Variants in BTBD19 observed in about 807,000 individuals in gnomAD.
BTBD19 encodes the protein BTB domain containing 19, also known as BTB/POZ domain-containing protein 19.
In BTBD19, 20 loss-of-function variants were observed where a neutral mutation model predicts 36.1. The ratio of observed to expected loss-of-function variants is 0.55; its 90% CI spans 0.39 to 0.80. The LOEUF (loss-of-function observed/expected upper bound fraction) is 0.80, where lower values mean the gene tolerates loss of function less well. Among genes scored for constraint, BTBD19 ranks in the 30% least tolerant of loss-of-function variants. The pLI, the probability that BTBD19 is intolerant of heterozygous loss-of-function variation, is 0.00. For missense variants in BTBD19, 325 were observed against 389.8 expected (o/e 0.83, Z 1.40); for synonymous variants, 157 against 174.3 (o/e 0.90, Z 0.78).
intron 3 of BTBD19, 90 bp from the exon 4 acceptor site, chr1:44,811,949 C>T (rs758676497): frequency 2.2e-5 from 24 of 1,076,390 alleles, no homozygotes; most frequent in African/African-American, 3.3e-5. Context: ...GGTGACTCAC[C>T]GCTCCAAGCC....
chr1:44,813,149 G>C lies in BTBD19; in HGVS notation c.495G>C (p.Arg165=). ...TTGCCGGCTCGCAGGAGGCCCTCCG[G>C]ACCCGAGGCTTCCTGGAGCTGTCGG... The change falls in exon 6 of 8, where the codon CGG becomes CGC. Residue 165 remains arginine (R), a synonymous_variant. Transcript: ENST00000450269. This position sits in a 1 kb window ranked among gnomAD's most constrained non-coding sequence, Gnocchi z 7.8. The C allele has an allele frequency of 6.5e-7, 1 of 1,542,556 alleles. No individual in the cohort carries two copies.
Position 44,813,594 on chromosome 1 carries a change from AG to A in BTBD19, c.742-40del. On this transcript the variant is annotated intron_variant, in intron 7 of 7. Transcript: ENST00000450269. This position sits in a 1 kb window ranked among gnomAD's most constrained non-coding sequence, Gnocchi z 7.8. The stretch of plus-strand genomic sequence containing the variant: ...AGCCCGGCCCACGGTCCTCGGGGCG[AG>A]GGGCCACCGCGGGACTGCGCACTAA... The A allele has an allele frequency of 6.5e-7, 1 of 1,537,962 alleles. No homozygotes were observed. The highest frequency in any genetic ancestry group is 8.8e-7 in the Non-Finnish European group (1 of 1,137,674).
Position 44,813,887 on chromosome 1 carries a change from G to C in BTBD19, c.*115G>C. On this transcript the variant is annotated 3_prime_UTR_variant, in exon 8 of 8. Coordinates refer to ENST00000450269, the Ensembl canonical transcript of BTBD19. The surrounding 1 kb of genome is among the most constrained non-coding windows in gnomAD (Gnocchi z 7.8). ...GGCTTCCGTTCCCAGCGTGCCCAGT[G>C]AGCCGGGCGCCGGAAGAACCGTTGT... The C allele has an allele frequency of 1.4e-6, 2 of 1,448,634 alleles. No individual in the cohort carries two copies. The highest frequency in any genetic ancestry group is 1.9e-6 in the Non-Finnish European group (2 of 1,064,384). The allele number at this position is 1,448,634 out of a possible 1,614,324, so 89.7% of individuals were successfully genotyped here. A position where few individuals can be genotyped will look rare whatever the true frequency, so the allele number is the denominator to read the frequency against.
Position 44,813,609 on chromosome 1 carries a change from A to T in BTBD19, c.742-29A>T. The T allele has an allele frequency of 1.9e-6, 3 of 1,543,572 alleles. No homozygotes were observed. Among genetic ancestry groups the T allele is most frequent in the Non-Finnish European group, 2.6e-6 (3 of 1,141,136 alleles). Reference sequence around the variant, plus strand: ...CCTCGGGGCGAGGGGCCACCGCGGGACTGCGCACTAACTGGCCTTGCTCTG... The same window carrying T: ...CCTCGGGGCGAGGGGCCACCGCGGGTCTGCGCACTAACTGGCCTTGCTCTG... On this transcript the variant is annotated intron_variant, in intron 7 of 7. Coordinates refer to ENST00000450269, the Ensembl canonical transcript of BTBD19. The surrounding 1 kb of genome is among the most constrained non-coding windows in gnomAD (Gnocchi z 7.8).
chr1:44,814,558 T>A (rs1275781863), downstream of BTBD19: 1 of 144,576 alleles, frequency 6.9e-6, no homozygotes, highest in Non-Finnish European at 1.5e-5. Flanking sequence ...TCGGCCTTTT[T>A]TTTTTTTTTT....
intron 3 of BTBD19, among the ~76,000 whole-genome samples, chr1:44,811,507 A>AG (rs769609504): frequency 6.6e-6 from 1 of 152,170 alleles, no homozygotes; most frequent in Non-Finnish European, 1.5e-5. Flanking sequence ...TGGTTCATGT[A>AG]GGGCCCTCAA....
At position 44,810,462 on chromosome 1, in the gene BTBD19, T is replaced by A. The variant is rs1652352430; in HGVS notation, c.300+36T>A. 1 of 1,550,136 alleles carries A rather than the reference T, an allele frequency of 6.5e-7. No individual in the cohort carries two copies. Among genetic ancestry groups the A allele is most frequent in the African/African-American group, 1.4e-5 (1 of 72,854 alleles). On this transcript the variant is annotated intron_variant, in intron 2 of 7. Transcript: ENST00000450269. This position sits in a 1 kb window ranked among gnomAD's most constrained non-coding sequence, Gnocchi z 4.2. ...TGACCAGGGGCCTGGGTGGGAGAGG[T>A]GGGGGGTGCCAGAGGCAGGAGTTTG...
Position 44,812,991 on chromosome 1 carries a change from C to G in BTBD19, c.415-5C>G. On this transcript the variant is annotated splice_region_variant and splice_polypyrimidine_tract_variant and intron_variant, in intron 4 of 7. Coordinates refer to ENST00000450269, the Ensembl canonical transcript of BTBD19. ...CCAACCTGATCTCCCTCATTCTGCTCGCAGGTGGCCGTAACCTTTGGCCTG... is the reference window on the plus strand; with the variant it reads ...CCAACCTGATCTCCCTCATTCTGCTGGCAGGTGGCCGTAACCTTTGGCCTG... 1 of 1,549,340 alleles carries G rather than the reference C, an allele frequency of 6.5e-7. No individual in the cohort carries two copies. Among genetic ancestry groups the G allele is most frequent in the Non-Finnish European group, 8.7e-7 (1 of 1,145,548 alleles).
At chr1:44,815,438 A>G (rs1346730143), downstream of BTBD19, 1 of 151,998 alleles carries the variant, frequency 6.6e-6, no homozygotes, top group Admixed American at 6.6e-5. Flanking sequence ...TCCTTCATTC[A>G]CTATACATCT....
chr1:44,812,179 G>GACACAGCAGGCC, intron 4 of BTBD19, 81 bp downstream of exon 4: 2 of 1,069,616 alleles, frequency 1.9e-6, no homozygotes, highest in Non-Finnish European at 2.6e-6. Flanking sequence ...GCCTGGGCCT[G>GACACAGCAGGCC]CTGTGTCTGG....
Position 44,813,500 on chromosome 1 carries a change from G to A in BTBD19, c.741+1G>A. ...GAACCGGCAGGAACCACTCATCCCG[G>A]TGGGGACGCGGGGAACCGGCCCAGC... On this transcript the variant is annotated splice_donor_variant, in intron 7 of 7. Transcript: ENST00000450269. LOFTEE classifies it high-confidence loss of function. This position sits in a 1 kb window ranked among gnomAD's most constrained non-coding sequence, Gnocchi z 7.8. The A allele has an allele frequency of 6.4e-7, 1 of 1,550,666 alleles. No individual in the cohort carries two copies. The highest frequency in any genetic ancestry group is 8.7e-7 in the Non-Finnish European group (1 of 1,146,438).
chr1:44,812,220 TG>T (rs968696344), intron 4 of BTBD19, 122 bp downstream of exon 4: 7 of 669,378 alleles, frequency 1.0e-5, no homozygotes, highest in Non-Finnish European at 1.7e-5. Context: ...ATGGTGGTGG[TG>T]GGGGTGCTCC....
Position 44,813,939 on chromosome 1 carries a change from A to T in BTBD19, c.*167A>T, listed in dbSNP as rs980261304. On this transcript the variant is annotated 3_prime_UTR_variant, in exon 8 of 8. Transcript: ENST00000450269. This position sits in a 1 kb window ranked among gnomAD's most constrained non-coding sequence, Gnocchi z 7.8. ...TGCCACGCGCAGCCCCTTGTGCGGGATCAAGCCCGTGTGGGCGAGGTGGGG... is the reference window on the plus strand; with the variant it reads ...TGCCACGCGCAGCCCCTTGTGCGGGTTCAAGCCCGTGTGGGCGAGGTGGGG... The T allele has an allele frequency of 4.2e-6, 5 of 1,178,038 alleles. No individual in the cohort carries two copies. The African/African-American group carries it at 6.1e-5, about 14-fold the overall frequency. 73.0% of individuals were successfully genotyped at this position (1,178,038 alleles called of 1,614,324 possible).
rs745615802 is a variant in BTBD19 at position 44,808,533 on chromosome 1, T to TCGC, written c.-271_-269dup. 1.1e-3 allele frequency: 323 copies of TCGC among 300,836 alleles called. 8 individuals are homozygous for TCGC. Among genetic ancestry groups the TCGC allele is most frequent in the South Asian group, 2.1e-3 (27 of 12,956 alleles). The allele number at this position is 300,836 out of a possible 1,614,324, so 18.6% of individuals were successfully genotyped here. On this transcript the variant is annotated 5_prime_UTR_variant, in exon 1 of 8. Coordinates refer to ENST00000450269, the Ensembl canonical transcript of BTBD19. The stretch of plus-strand genomic sequence containing the variant: ...GGCAGACTCCCAGCCAGGGCCTCTT[T>TCGC]CGCCGCCGCCGCCGCCGCCAGCCAG...
chr1:44,810,357 G>A lies in BTBD19; in HGVS notation c.231G>A (p.Val77=), dbSNP rs748287122. The A allele has an allele frequency of 9.7e-6, 15 of 1,551,768 alleles. No individual in the cohort carries two copies. Among genetic ancestry groups the A allele is most frequent in the South Asian group, 2.4e-5 (2 of 84,070 alleles). ...CCAGTCCTGTGGTGCTAAGCACTGT[G>A]CCAACTGAGGCCTTCCTGGCAGTGC... Residue 77 remains valine, a synonymous_variant, in exon 2 of 8, where the codon GTG becomes GTA. Coordinates refer to ENST00000450269, the Ensembl canonical transcript of BTBD19. The surrounding 1 kb of genome is among the most constrained non-coding windows in gnomAD (Gnocchi z 4.2).
At chr1:44,814,212 T>TTCTTTCTTTCTTTC (rs759782134), downstream of BTBD19, 2 of 109,306 alleles carry the variant, frequency 1.8e-5, no homozygotes, top group Admixed American at 9.4e-5. Flanking sequence ...CTTTCTTTCT[T>TTCTTTCTTTCTTTC]TTTCTTTCTT....
At chr1:44,815,498 G>C (rs1195096142), downstream of BTBD19, 1 of 152,142 alleles carries the variant, frequency 6.6e-6, no homozygotes, top group Non-Finnish European at 1.5e-5. Context: ...CTGGGGCCTG[G>C]AGTGGTGTCT....
At chr1:44,815,181 A>G (rs1652651078), downstream of BTBD19, 1 of 151,934 alleles carries the variant, frequency 6.6e-6, no homozygotes, top group African/African-American at 2.4e-5. Context: ...CGCCCCCTCA[A>G]TCCATTTCCC....
chr1:44,814,162 CTTTCTT>C (rs1557635365), downstream of BTBD19: 1 of 130,974 alleles, frequency 7.6e-6, no homozygotes, highest in Non-Finnish European at 1.5e-5. Flanking sequence ...TTCTTTCTTT[CTTTCTT>C]TCTTTCTTTC....
Sources: allele counts gnomAD v4.1 joint callset (sites outside exome capture counted in the v4.1 genomes callset), GRCh38; gene constraint gnomAD v4.1.1; non-coding constraint Gnocchi (gnomAD v3.1); transcripts MANE v1.5; gene names NCBI Gene and HGNC (gene_info 2026-07-23, HGNC 2026-07-21).